Variants in PCDHA7 observed in about 807,000 individuals in gnomAD.
The protein encoded by PCDHA7 is protocadherin alpha 7, also known as protocadherin alpha-7.
Under a neutral mutation model 57.2 loss-of-function variants are expected in PCDHA7, and 37 were observed. The ratio of observed to expected loss-of-function variants is 0.65; its 90% CI spans 0.50 to 0.85. The LOEUF (loss-of-function observed/expected upper bound fraction) is 0.85. Ranked by LOEUF, PCDHA7 falls within the 40% of genes least tolerant of loss-of-function variation. PCDHA7 has a pLI of 0.00. For synonymous variants in PCDHA7, 553 were observed against 558.8 expected, an observed-to-expected ratio of 0.99 and a Z score of 0.15; for missense variants, 1,188 against 1,241.8, an observed-to-expected ratio of 0.96 and a Z score of 0.65.
intron 1 of PCDHA7, chr5:140,863,365 G>A (rs2047972870): frequency 2.5e-6 from 3 of 1,201,540 alleles, no homozygotes; most frequent in South Asian, 2.4e-5. Flanking sequence ...GCGGTGCTTG[G>A]CGCAGCTCAC....
intron 1 of PCDHA7, among the ~76,000 whole-genome samples, chr5:140,932,637 T>C (rs1554209011): frequency 6.6e-6 from 1 of 151,870 alleles, no homozygotes; most frequent in African/African-American, 2.4e-5. Context: ...TAAAAAACTT[T>C]AGAATGATGA....
chr5:140,835,476 C>T lies in PCDHA7; in HGVS notation c.1093C>T (p.Pro365Ser). The T allele has an allele frequency of 1.9e-6, 3 of 1,613,922 alleles. No homozygotes were observed. The highest frequency in any genetic ancestry group is 2.5e-6 in the Non-Finnish European group (3 of 1,179,870). ...LSLPIPEDAQ[P>S]GTVITLISVF... The stretch of plus-strand genomic sequence containing the variant: ...TCTCCCTATTCCAGAGGACGCCCAA[C>T]CAGGTACCGTCATCACATTGATTAG... Residue 365 changes from proline (P) to serine (S), a missense_variant, in exon 1 of 4, where the codon CCA (proline) becomes TCA (serine). Pro to Ser is a moderately conservative substitution (Grantham distance 74, BLOSUM62 -1). Coordinates refer to ENST00000525929, the MANE Select transcript of PCDHA7 (RefSeq NM_018910.3).
intron 1 of PCDHA7, among the ~76,000 whole-genome samples, chr5:140,962,845 C>G (rs2095712902): frequency 6.6e-6 from 1 of 152,172 alleles, no homozygotes; most frequent in African/African-American, 2.4e-5. Flanking sequence ...TATTATATAA[C>G]TTGTGCTCGG....
chr5:140,876,855 A>C (rs371246236), intron 1 of PCDHA7: 7 of 1,613,934 alleles, frequency 4.3e-6, no homozygotes, highest in East Asian at 2.2e-5. Flanking sequence ...CCGAGTACAC[A>C]GTGTTCGTGA....
intron 1 of PCDHA7, among the ~76,000 whole-genome samples, chr5:140,963,103 G>A (rs2095737477): frequency 1.3e-5 from 2 of 151,910 alleles, no homozygotes; most frequent in South Asian, 4.1e-4. Flanking sequence ...CTGCTTTCAG[G>A]TTGCTTATAA....
At chr5:140,921,437 G>A (rs2080219286) in intron 1 of PCDHA7, among the ~76,000 whole-genome samples, 1 of 151,992 alleles carries the variant, frequency 6.6e-6, no homozygotes, top group South Asian at 2.1e-4. Context: ...TTTCTTCAAT[G>A]GTGTCTGAAA....
intron 3 of PCDHA7, among the ~76,000 whole-genome samples, chr5:141,008,228 T>C (rs2098365726): frequency 1.3e-5 from 2 of 152,210 alleles, no homozygotes; most frequent in African/African-American, 4.8e-5. Context: ...GTTAGAAAAT[T>C]ACTGCTCAGG....
Position 140,927,804 on chromosome 5 carries a change from G to T in PCDHA7, c.2356-51145G>T, listed in dbSNP as rs112037348. The T allele has an allele frequency of 8.3e-4, 1,346 of 1,614,160 alleles. 11 individuals carry two copies. The African/African-American group carries it at 0.015, about 18-fold the overall frequency. On this transcript the variant is annotated intron_variant, in intron 1 of 3. Coordinates refer to ENST00000525929, the MANE Select transcript of PCDHA7 (RefSeq NM_018910.3). Reference sequence around the variant, plus strand: ...CTGCTTCACTAGGTCCGCCTGAAACGCTCTTGGAGGCATACATTGAGGCGA... The same window carrying T: ...CTGCTTCACTAGGTCCGCCTGAAACTCTCTTGGAGGCATACATTGAGGCGA...
Position 141,011,329 on chromosome 5 carries a change from T to G in PCDHA7, c.*1392T>G, listed in dbSNP as rs924246191. 6.5e-6 allele frequency: 1 copy of G among 153,804 alleles called. No homozygotes were observed. Among genetic ancestry groups the G allele is most frequent in the African/African-American group, 2.4e-5 (1 of 41,472 alleles). 9.5% of individuals were successfully genotyped at this position (153,804 alleles called of 1,614,324 possible). ...TTGCTAATCTTACTAACACCTATGA[T>G]GTTACCTGAAATCAATCTCCCATAT... is the stretch of plus-strand genomic sequence containing the variant. On this transcript the variant is annotated 3_prime_UTR_variant, in exon 4 of 4. Coordinates refer to ENST00000525929, the MANE Select transcript of PCDHA7 (RefSeq NM_018910.3).
At position 140,846,059 on chromosome 5, in the gene PCDHA7, G is replaced by A. The variant is rs1780185610; in HGVS notation, c.2355+9321G>A. ...AGTCAAGTTAACACCACCTATGTGG[G>A]AAAACAGTTTTTTGGAAAGGTTAAA... On this transcript the variant is annotated intron_variant, in intron 1 of 3. Coordinates refer to ENST00000525929, the MANE Select transcript of PCDHA7 (RefSeq NM_018910.3). 2.0e-5 allele frequency among the ~76,000 whole-genome samples: 3 copies of A among 149,674 alleles called. No individual in the cohort carries two copies. The South Asian group carries it at 6.3e-4, about 32-fold the overall frequency.
At chr5:140,870,817 G>A in intron 1 of PCDHA7, 6 of 1,613,726 alleles carry the variant, frequency 3.7e-6, no homozygotes, top group Non-Finnish European at 5.1e-6. Context: ...GGCTGGCAGC[G>A]CGGGAGGCGC....
chr5:140,888,994 T>A (rs1486471421), intron 1 of PCDHA7, among the ~76,000 whole-genome samples: 5 of 152,154 alleles, frequency 3.3e-5, no homozygotes, highest in African/African-American at 1.2e-4. Flanking sequence ...TATGATTTTC[T>A]TATGGCAAAC....
At chr5:140,924,318 G>A (rs550515387) in intron 1 of PCDHA7, among the ~76,000 whole-genome samples, 1 of 152,164 alleles carries the variant, frequency 6.6e-6, no homozygotes, top group East Asian at 1.9e-4. Context: ...AATTTTATCT[G>A]AGACTTGGTG....
At chr5:140,849,684 C>T (rs2150445118) in intron 1 of PCDHA7, 9 of 1,598,608 alleles carry the variant, frequency 5.6e-6, no homozygotes, top group African/African-American at 2.7e-5. Context: ...CCCCTTCAAG[C>T]TGGTGTCCAC....
At chr5:140,980,494 A>T (rs868915196) in intron 2 of PCDHA7, among the ~76,000 whole-genome samples, 1 of 152,106 alleles carries the variant, frequency 6.6e-6, no homozygotes, top group African/African-American at 2.4e-5. Context: ...GCTGGGCGTG[A>T]TGGCATGTGC....
At chr5:140,961,176 C>A (rs782677581) in intron 1 of PCDHA7, among the ~76,000 whole-genome samples, 16 of 152,182 alleles carry the variant, frequency 1.1e-4, no homozygotes, top group Admixed American at 2.0e-4. Context: ...ACCTTATGTA[C>A]TCCTCACAGG....
chr5:140,979,615 A>G (rs965487699), intron 2 of PCDHA7, among the ~76,000 whole-genome samples: 1 of 152,258 alleles, frequency 6.6e-6, no homozygotes, highest in Non-Finnish European at 1.5e-5. Context: ...GAGTAACGGT[A>G]TTAGTCTAAG....
chr5:140,842,170 C>T (rs1360420045), intron 1 of PCDHA7: 2 of 1,613,662 alleles, frequency 1.2e-6, no homozygotes, highest in African/African-American at 2.7e-5. Context: ...CTTTTAATAG[C>T]CTTGTTGAAA....
intron 1 of PCDHA7, chr5:140,876,150 C>A (rs782752906): frequency 5.0e-6 from 8 of 1,613,798 alleles, no homozygotes; most frequent in Non-Finnish European, 2.5e-6. Context: ...CAGGGTCTGT[C>A]CAGATTCAAA....
Sources: allele counts gnomAD v4.1 joint callset (sites outside exome capture counted in the v4.1 genomes callset), GRCh38; gene constraint gnomAD v4.1.1; transcripts MANE v1.5; gene names NCBI Gene and HGNC (gene_info 2026-07-23, HGNC 2026-07-21).